PRKACB: variants seen among roughly 807,000 people sequenced by gnomAD.
PRKACB encodes the protein protein kinase cAMP-activated catalytic subunit beta, also known as cAMP-dependent protein kinase catalytic subunit beta.
In PRKACB, 16 loss-of-function variants were observed where a neutral mutation model predicts 51.4. The ratio of observed to expected loss-of-function variants is 0.31; its 90% CI spans 0.21 to 0.47. The LOEUF (loss-of-function observed/expected upper bound fraction) is 0.47. Among genes scored for constraint, PRKACB ranks in the 20% least tolerant of loss-of-function variants. The pLI is 1.00. For synonymous variants in PRKACB, 147 were observed against 154.4 expected (o/e 0.95, Z 0.35); for missense variants, 309 against 464.5 (o/e 0.67, Z 3.08).
chr1:84,097,029 C>A (rs1470789571), intron 1 of PRKACB, among the ~76,000 whole-genome samples: 4 of 151,982 alleles, frequency 2.6e-5, no homozygotes, highest in Admixed American at 2.6e-4. Flanking sequence ...ATTTTAATTT[C>A]AACATTGTTT....
intron 1 of PRKACB, chr1:84,175,786 G>T: frequency 6.4e-7 from 1 of 1,570,996 alleles, no homozygotes. Context: ...ACAAATCTTG[G>T]GTGAACATGT....
chr1:84,143,102 A>G (rs1653586050), upstream of PRKACB, among the ~76,000 whole-genome samples: 1 of 152,062 alleles, frequency 6.6e-6, no homozygotes, highest in African/African-American at 2.4e-5. Context: ...GCCACAGGTT[A>G]CTTTCTTTCC....
intron 1 of PRKACB, chr1:84,175,140 G>T: frequency 1.6e-6 from 2 of 1,228,220 alleles, no homozygotes; most frequent in South Asian, 2.2e-5. Context: ...TCCTTATAAA[G>T]TTATATATTT....
chr1:84,173,181 A>T, intron 1 of PRKACB: 1 of 495,898 alleles, frequency 2.0e-6, no homozygotes. Context: ...TGTAATCCTT[A>T]TATAATACAT....
In PRKACB at chr1:84,237,811, G is replaced by C. The variant is rs1163440680; in HGVS notation, c.*2506G>C. The C allele has an allele frequency of 1.3e-5, 2 of 152,116 alleles. No homozygotes were observed. The highest frequency in any genetic ancestry group is 2.9e-5 in the Non-Finnish European group (2 of 67,980). 9.4% of individuals were successfully genotyped at this position (152,116 alleles called of 1,614,324 possible). A position where few individuals can be genotyped will look rare whatever the true frequency, so the allele number is the denominator to read the frequency against. On this transcript the variant is annotated 3_prime_UTR_variant, in exon 10 of 10. Coordinates refer to ENST00000370685, the MANE Select transcript of PRKACB (RefSeq NM_182948.4). ...TGGCATTGTGTAAGAAGGAGCCCTA[G>C]ACTGAAAGTCAAGACATCTGAATTT...
At chr1:84,081,869 A>G (rs1647563339) in intron 1 of PRKACB, among the ~76,000 whole-genome samples, 1 of 152,192 alleles carries the variant, frequency 6.6e-6, no homozygotes, top group African/African-American at 2.4e-5. Context: ...TAAAGTTACC[A>G]TGTGACCTAG....
chr1:84,226,891 A>G (rs1279955248), intron 9 of PRKACB, among the ~76,000 whole-genome samples: 10 of 152,128 alleles, frequency 6.6e-5, no homozygotes, highest in Non-Finnish European at 4.4e-5. Context: ...TGGCTGAGAT[A>G]GGTATTCTTT....
upstream of PRKACB, among the ~76,000 whole-genome samples, chr1:84,141,122 T>G (rs1252930124): frequency 6.6e-6 from 1 of 152,062 alleles, no homozygotes; most frequent in African/African-American, 2.4e-5. Context: ...TTTTAAAAAT[T>G]AATGCAGAAT....
upstream of PRKACB, chr1:84,078,102 C>G: frequency 2.3e-6 from 1 of 434,312 alleles, no homozygotes; most frequent in East Asian, 3.8e-5. Flanking sequence ...CCGCCGTCGC[C>G]GCCGCCGCCG....
chr1:84,139,052 T>C (rs1653126376), intron 1 of PRKACB, among the ~76,000 whole-genome samples: 1 of 152,170 alleles, frequency 6.6e-6, no homozygotes, highest in Non-Finnish European at 1.5e-5. Flanking sequence ...AAGGGGCATC[T>C]ACAAAACAGT....
rs1352350363 is a variant in PRKACB at position 84,238,307 on chromosome 1, G to A, written c.*3002G>A. On this transcript the variant is annotated 3_prime_UTR_variant, in exon 10 of 10. Transcript: ENST00000370685. Reference sequence around the variant, plus strand: ...TGTTGTAAGAATCAAATGAAATAATGTATGTGAAAGCACCTTGTAAACTGT... The same window carrying A: ...TGTTGTAAGAATCAAATGAAATAATATATGTGAAAGCACCTTGTAAACTGT... 1 of 152,420 alleles carries A rather than the reference G, an allele frequency of 6.6e-6. No homozygotes were observed. Among genetic ancestry groups the A allele is most frequent in the Admixed American group, 6.6e-5 (1 of 15,250 alleles). The allele number at this position is 152,420 out of a possible 1,614,324, so 9.4% of individuals were successfully genotyped here.
chr1:84,189,676 C>T (rs1366373186), intron 5 of PRKACB, among the ~76,000 whole-genome samples: 1 of 151,786 alleles, frequency 6.6e-6, no homozygotes, highest in Non-Finnish European at 1.5e-5. Flanking sequence ...ATGAAGAGGA[C>T]AGCATTTCAA....
intron 1 of PRKACB, among the ~76,000 whole-genome samples, chr1:84,171,595 A>G (rs1403222796): frequency 6.6e-6 from 1 of 151,692 alleles, no homozygotes; most frequent in African/African-American, 2.4e-5. Context: ...CAAGTATAGG[A>G]AAAGAAAATT....
At chr1:84,230,965 T>C (rs1675546236) in intron 9 of PRKACB, among the ~76,000 whole-genome samples, 1 of 143,180 alleles carries the variant, frequency 7.0e-6, no homozygotes, top group African/African-American at 2.7e-5. Context: ...TCCAACACTA[T>C]GTTGAATAGG....
intron 8 of PRKACB, among the ~76,000 whole-genome samples, chr1:84,211,687 T>C (rs1395041337): frequency 6.6e-6 from 1 of 152,186 alleles, no homozygotes; most frequent in Non-Finnish European, 1.5e-5. Context: ...GAATTACACC[T>C]TTACTATTTA....
intron 1 of PRKACB, among the ~76,000 whole-genome samples, chr1:84,110,981 T>G (rs1350867363): frequency 2.0e-5 from 3 of 152,040 alleles, no homozygotes; most frequent in Non-Finnish European, 2.9e-5. Flanking sequence ...CTAATTTCAC[T>G]GATTCTAGCT....
intron 9 of PRKACB, 84 bp from the exon 10 acceptor site, chr1:84,235,096 T>G: frequency 7.1e-7 from 1 of 1,413,222 alleles, no homozygotes; most frequent in Non-Finnish European, 9.7e-7. Context: ...GTAATAACAG[T>G]GGGAATTTAT....
intron 1 of PRKACB, among the ~76,000 whole-genome samples, chr1:84,079,616 A>G (rs951425292): frequency 6.6e-6 from 1 of 152,190 alleles, no homozygotes. Flanking sequence ...AACACACAGC[A>G]TGTTATACGG....
At chr1:84,231,024 G>A (rs1675558731) in intron 9 of PRKACB, among the ~76,000 whole-genome samples, 1 of 143,694 alleles carries the variant, frequency 7.0e-6, no homozygotes, top group Non-Finnish European at 1.5e-5. Flanking sequence ...CAAAGGGAAT[G>A]CTTCCAGTTT....
Sources: gnomAD v4.1 joint callset for allele counts (sites outside exome capture counted in the v4.1 genomes callset) on GRCh38, gnomAD v4.1.1 for gene constraint, MANE v1.5 for transcripts, NCBI Gene and HGNC (gene_info 2026-07-23, HGNC 2026-07-21) for gene names.